Variants in DIAPH3 observed in about 807,000 individuals in gnomAD.
DIAPH3 encodes the protein protein diaphanous homolog 3.
In DIAPH3, 117 loss-of-function variants were observed where a neutral mutation model predicts 144.3. That is an observed-to-expected ratio of 0.81 (90% CI 0.70 to 0.95). DIAPH3 has a LOEUF of 0.95. Among genes scored for constraint, DIAPH3 ranks in the 40% least tolerant of loss-of-function variants. The probability of loss-of-function intolerance (pLI) is 0.00; values close to 1 mark genes in which losing one functional copy is unlikely to be tolerated. For synonymous variants in DIAPH3, 519 were observed against 488.9 expected (o/e 1.06, Z -0.81); for missense variants, 1,421 against 1,412.7 (o/e 1.01, Z -0.09).
At chr13:59,739,836 A>T (rs2036355703) in intron 27 of DIAPH3, among the ~76,000 whole-genome samples, 1 of 152,184 alleles carries the variant, frequency 6.6e-6, no homozygotes, top group African/African-American at 2.4e-5. Context: ...CCACAAATTC[A>T]ACTAACTGTG....
At chr13:59,871,166 CAGG>C (rs1046909587) in intron 21 of DIAPH3, among the ~76,000 whole-genome samples, 1 of 143,216 alleles carries the variant, frequency 7.0e-6, no homozygotes, top group Non-Finnish European at 1.5e-5. Context: ...TTAACAGTTC[CAGG>C]AGGTTTATTT....
At chr13:60,048,908 A>G (rs930307152) in intron 4 of DIAPH3, among the ~76,000 whole-genome samples, 1 of 151,578 alleles carries the variant, frequency 6.6e-6, no homozygotes, top group Non-Finnish European at 1.5e-5. Flanking sequence ...TTTAAGTTAA[A>G]TATACATTGC....
chr13:59,807,386 AAGAC>A (rs1363191211), intron 25 of DIAPH3, among the ~76,000 whole-genome samples: 1 of 152,092 alleles, frequency 6.6e-6, no homozygotes, highest in Non-Finnish European at 1.5e-5. Context: ...ACGTTTTTAA[AAGAC>A]AAAGTCTCAC....
intron 27 of DIAPH3, among the ~76,000 whole-genome samples, chr13:59,764,206 T>C (rs1408393878): frequency 1.3e-5 from 2 of 151,938 alleles, no homozygotes; most frequent in African/African-American, 4.8e-5. Context: ...TTGAGCGCAA[T>C]TGTTCCTAAC....
intron 4 of DIAPH3, among the ~76,000 whole-genome samples, chr13:60,067,740 CTTCT>C (rs565336021): frequency 3.9e-5 from 6 of 152,032 alleles, no homozygotes; most frequent in African/African-American, 9.7e-5. Flanking sequence ...TTTTTTAACT[CTTCT>C]TTAATTTGAT....
intron 25 of DIAPH3, among the ~76,000 whole-genome samples, chr13:59,784,146 G>A (rs758171489): frequency 1.8e-4 from 27 of 150,824 alleles, no homozygotes; most frequent in Admixed American, 3.3e-4. Context: ...GCAGTGGCGC[G>A]ATCTCGGCTC....
intron 27 of DIAPH3, among the ~76,000 whole-genome samples, chr13:59,714,344 A>G (rs2034932758): frequency 1.6e-5 from 2 of 128,234 alleles, no homozygotes; most frequent in African/African-American, 3.0e-5. Flanking sequence ...TGGGCGACAG[A>G]GCGAGACTCC....
chr13:59,818,776 T>C lies in DIAPH3; in HGVS notation c.3028-7853A>G, dbSNP rs564384185. Reference sequence around the variant, plus strand: ...ATTCTGGACAATTTATTTAGATGTATTGTGCAAATTCACCATTTCTTTCCT... The same window carrying C: ...ATTCTGGACAATTTATTTAGATGTACTGTGCAAATTCACCATTTCTTTCCT... On this transcript the variant is annotated intron_variant, in intron 24 of 27. Coordinates refer to ENST00000400324, the MANE Select transcript of DIAPH3 (RefSeq NM_001042517.2). Among the ~76,000 whole-genome samples, 5 of 152,020 alleles carry C rather than the reference T, an allele frequency of 3.3e-5. No individual in the cohort carries two copies. In the East Asian group the frequency reaches 5.8e-4, roughly 18 times the overall value.
At chr13:59,784,441 T>A (rs188744587) in intron 25 of DIAPH3, among the ~76,000 whole-genome samples, 84 of 151,674 alleles carry the variant, frequency 5.5e-4, no homozygotes, top group African/African-American at 2.0e-3. Context: ...AGTGGTGTAA[T>A]CTCAGCTCAT....
At chr13:59,778,459 A>T (rs114939001) in intron 25 of DIAPH3, among the ~76,000 whole-genome samples, 6,879 of 152,324 alleles carry the variant, frequency 0.045, 233 homozygotes, top group Admixed American at 0.11. Context: ...TATGTTGACT[A>T]AATTAGCTAA....
At chr13:60,052,213 A>T (rs1482693190) in intron 4 of DIAPH3, among the ~76,000 whole-genome samples, 4 of 152,154 alleles carry the variant, frequency 2.6e-5, no homozygotes, top group South Asian at 2.1e-4. Context: ...AACATGAAAC[A>T]TGTAAAGTCA....
At chr13:59,897,864 G>A (rs2046208213) in intron 20 of DIAPH3, among the ~76,000 whole-genome samples, 1 of 151,798 alleles carries the variant, frequency 6.6e-6, no homozygotes, top group Non-Finnish European at 1.5e-5. Flanking sequence ...GGGCGTGGTG[G>A]CTCACGCCTG....
intron 12 of DIAPH3, among the ~76,000 whole-genome samples, chr13:59,986,959 G>T (rs1249848637): frequency 6.6e-6 from 1 of 151,190 alleles, no homozygotes; most frequent in Non-Finnish European, 1.5e-5. Flanking sequence ...ATTTGACCCA[G>T]CCATCCCATT....
At chr13:59,963,760 A>G (rs945677640) in intron 17 of DIAPH3, among the ~76,000 whole-genome samples, 1 of 152,036 alleles carries the variant, frequency 6.6e-6, no homozygotes, top group African/African-American at 2.4e-5. Flanking sequence ...GTCTCAATAC[A>G]TTGCCCAGGC....
intron 24 of DIAPH3, among the ~76,000 whole-genome samples, chr13:59,815,079 C>A (rs2040696176): frequency 1.3e-5 from 2 of 152,252 alleles, no homozygotes; most frequent in Admixed American, 1.3e-4. Flanking sequence ...TTTTAAAAAT[C>A]CATTCATTCA....
chr13:60,033,946 T>C (rs1328985610), intron 5 of DIAPH3, among the ~76,000 whole-genome samples: 2 of 152,218 alleles, frequency 1.3e-5, no homozygotes, highest in Non-Finnish European at 1.5e-5. Flanking sequence ...TGCCTTCCTT[T>C]GTATTAAGGC....
intron 27 of DIAPH3, among the ~76,000 whole-genome samples, chr13:59,680,687 CT>C (rs2032893984): frequency 1.3e-5 from 2 of 151,890 alleles, no homozygotes; most frequent in East Asian, 3.9e-4. Flanking sequence ...CCCTGAATAA[CT>C]TTTGGTGACT....
chr13:60,112,256 GA>G, intron 2 of DIAPH3, 70 bp from the exon 3 acceptor site: 1 of 1,578,824 alleles, frequency 6.3e-7, no homozygotes, highest in Non-Finnish European at 8.7e-7. Context: ...TCTCAAAAAT[GA>G]GAAAAACAAA....
At chr13:59,689,138 C>T (rs1409826748) in intron 27 of DIAPH3, among the ~76,000 whole-genome samples, 2 of 152,048 alleles carry the variant, frequency 1.3e-5, no homozygotes, top group African/African-American at 4.8e-5. Flanking sequence ...CTTCTTTCTT[C>T]TGCTGCAAGA....
Sources: allele counts gnomAD v4.1 joint callset (sites outside exome capture counted in the v4.1 genomes callset), GRCh38; gene constraint gnomAD v4.1.1; transcripts MANE v1.5; gene names NCBI Gene and HGNC (gene_info 2026-07-23, HGNC 2026-07-21).